Variants in DENND5A observed in about 807,000 individuals in gnomAD.
DENND5A encodes DENN domain-containing protein 5A.
Under a neutral mutation model 140.3 loss-of-function variants are expected in DENND5A, and 64 were observed. That is an observed-to-expected ratio of 0.46 (90% confidence interval 0.37 to 0.56). The LOEUF is 0.56. DENND5A is among the 20% of genes least tolerant of loss of function. The pLI is 0.00. For synonymous variants in DENND5A, 605 were observed against 607.7 expected, an observed-to-expected ratio of 1.00 and a Z score of 0.07; for missense variants, 1,292 against 1,593.8, an observed-to-expected ratio of 0.81 and a Z score of 3.22.
intron 1 of DENND5A, among the ~76,000 whole-genome samples, chr11:9,227,090 C>T (rs900181035): frequency 2.0e-5 from 3 of 151,904 alleles, no homozygotes; most frequent in African/African-American, 7.3e-5. Flanking sequence ...ATCGCTTGAA[C>T]CCGGGAGGCA....
chr11:9,147,145 T>A lies in DENND5A; in HGVS notation c.2742A>T (p.Leu914Phe), dbSNP rs1020330374. 8.1e-6 allele frequency: 13 copies of A among 1,613,930 alleles called. No homozygotes were observed. Among genetic ancestry groups the A allele is most frequent in the Non-Finnish European group, 1.0e-5 (12 of 1,179,950 alleles). ...AGCGCAGGAAGGCATAGCGCTTATA[T>A]AACTTTCTGTTGGAGAGGAGGTAAT... ...LLSDHELTKK[L>F]YKRYAFLRCD... The change falls in exon 16 of 23, where the codon TTA becomes TTT. Residue 914 changes from leucine to phenylalanine, a missense_variant. Physicochemically the swap from Leu to Phe is conservative, Grantham distance 22. This residue lies in a region of DENND5A where 498 missense variants were observed against 689.7 expected (regional missense o/e 0.72). Transcript: ENST00000328194.
chr11:9,200,397 C>G (rs7109911), intron 4 of DENND5A, among the ~76,000 whole-genome samples: 94,212 of 152,090 alleles, frequency 0.62, 29,799 homozygotes, highest in African/African-American at 0.72. Flanking sequence ...AGAGGAGGCT[C>G]TAACTTCGTA....
chr11:9,138,945 AAAAAG>A lies in DENND5A; in HGVS notation c.*721_*725del, dbSNP rs1294180578. Reference sequence around the variant, plus strand: ...TGTGACAAGCTTTTCCTTTCCTTAAAAAAAGAAAATACTTAAAAACACACAATGGC... The same window carrying A: ...TGTGACAAGCTTTTCCTTTCCTTAAAAAAATACTTAAAAACACACAATGGC... On this transcript the variant is annotated 3_prime_UTR_variant, in exon 23 of 23. Transcript: ENST00000328194. 2.0e-5 allele frequency: 3 copies of A among 152,418 alleles called. No homozygotes were observed. Among genetic ancestry groups the A allele is most frequent in the Admixed American group, 2.0e-4 (3 of 15,280 alleles). The allele number at this position is 152,418 out of a possible 1,614,324, so 9.4% of individuals were successfully genotyped here. A position where few individuals can be genotyped will look rare whatever the true frequency, so the allele number is the denominator to read the frequency against.
intron 1 of DENND5A, among the ~76,000 whole-genome samples, chr11:9,215,059 C>A (rs1313417869): frequency 6.6e-6 from 1 of 152,144 alleles, no homozygotes; most frequent in Non-Finnish European, 1.5e-5. Flanking sequence ...TTCCAAGGCA[C>A]TAACCCAGGA....
chr11:9,234,251 C>G (rs868551430), intron 1 of DENND5A, among the ~76,000 whole-genome samples: 1 of 151,044 alleles, frequency 6.6e-6, no homozygotes, highest in Admixed American at 6.6e-5. Context: ...CTGTAGCAAA[C>G]TCACCAGCTT....
chr11:9,250,816 TG>T (rs1329411784), intron 1 of DENND5A, among the ~76,000 whole-genome samples: 1 of 152,194 alleles, frequency 6.6e-6, no homozygotes, highest in Non-Finnish European at 1.5e-5. Flanking sequence ...ATACATTGTT[TG>T]GCCAACTGGA....
chr11:9,218,456 G>A (rs1850180550), intron 1 of DENND5A, among the ~76,000 whole-genome samples: 1 of 152,126 alleles, frequency 6.6e-6, no homozygotes, highest in African/African-American at 2.4e-5. Flanking sequence ...CTCATGCTTA[G>A]GCGGGATGCA....
At chr11:9,255,995 C>T (rs567522552) in intron 1 of DENND5A, among the ~76,000 whole-genome samples, 52 of 149,046 alleles carry the variant, frequency 3.5e-4, no homozygotes, top group South Asian at 6.3e-4. Flanking sequence ...CATTGCACCC[C>T]AGCGTGAGCA....
At chr11:9,210,758 C>T (rs1021349086) in intron 1 of DENND5A, among the ~76,000 whole-genome samples, 3 of 152,188 alleles carry the variant, frequency 2.0e-5, no homozygotes, top group Non-Finnish European at 4.4e-5. Flanking sequence ...CTCTCAAATT[C>T]CTGGGCTTAC....
chr11:9,245,342 G>A (rs1307188453), intron 1 of DENND5A: 6 of 150,538 alleles, frequency 4.0e-5, no homozygotes, highest in Middle Eastern at 3.2e-3. Flanking sequence ...TGTAATCCCA[G>A]CACTTTGGGA....
intron 12 of DENND5A, among the ~76,000 whole-genome samples, chr11:9,155,975 G>A (rs994015372): frequency 6.6e-6 from 1 of 152,156 alleles, no homozygotes; most frequent in Non-Finnish European, 1.5e-5. Flanking sequence ...AATAATGGGC[G>A]GTTGCTTAGG....
chr11:9,233,927 C>T (rs992334435), intron 1 of DENND5A, among the ~76,000 whole-genome samples: 10 of 152,242 alleles, frequency 6.6e-5, no homozygotes, highest in Non-Finnish European at 1.3e-4. Context: ...CCTGTAATCC[C>T]AGCACTTTGG....
At chr11:9,209,209 G>A (rs916233098) in intron 1 of DENND5A, among the ~76,000 whole-genome samples, 15 of 152,152 alleles carry the variant, frequency 9.9e-5, no homozygotes, top group African/African-American at 2.4e-4. Context: ...AAGGAAAGAC[G>A]CCTTCCTAAA....
chr11:9,174,102 C>CGAAAAAAAAAA (rs1848467055), intron 8 of DENND5A, among the ~76,000 whole-genome samples: 1 of 42,150 alleles, frequency 2.4e-5, no homozygotes, highest in Non-Finnish European at 4.1e-5. Flanking sequence ...GACTCCGTCT[C>CGAAAAAAAAAA]AAAAAAAAAA....
chr11:9,227,544 G>A (rs1352912900), intron 1 of DENND5A, among the ~76,000 whole-genome samples: 1 of 152,190 alleles, frequency 6.6e-6, no homozygotes, highest in African/African-American at 2.4e-5. Context: ...AGTATATTCT[G>A]TGTTACATAC....
rs771909659 is a variant in DENND5A, at chr11:9,178,278, T to C, written c.1760A>G (p.Asn587Ser). The change falls in exon 8 of 23, where the codon AAC becomes AGC. Residue 587 changes from asparagine to serine, a missense_variant. Physicochemically the swap from Asn to Ser is conservative, Grantham distance 46. This residue lies in a region of DENND5A where 199 missense variants were observed against 189.1 expected (regional missense o/e 1.05). Transcript: ENST00000328194. ...ETQMFASFID[N>S]KIMCHDDDDK... ...ATCATCATCATGACACATTATTTTG[T>C]TGTCAATGAAAGATGCAAACATCTG... 2 of 1,613,972 alleles carry C rather than the reference T, an allele frequency of 1.2e-6. No homozygotes were observed. Among genetic ancestry groups the C allele is most frequent in the South Asian group, 1.1e-5 (1 of 91,080 alleles).
At chr11:9,199,300 C>G (rs1403095081) in intron 4 of DENND5A, among the ~76,000 whole-genome samples, 1 of 152,010 alleles carries the variant, frequency 6.6e-6, no homozygotes, top group Non-Finnish European at 1.5e-5. Context: ...AGTTCAAGAT[C>G]AGCCTGGGCA....
chr11:9,187,125 G>A (rs1027261710), intron 5 of DENND5A, among the ~76,000 whole-genome samples: 1 of 151,974 alleles, frequency 6.6e-6, no homozygotes, highest in Non-Finnish European at 1.5e-5. Flanking sequence ...AAAGGAGGGA[G>A]TGGTAAAAAA....
intron 4 of DENND5A, among the ~76,000 whole-genome samples, chr11:9,198,420 G>A (rs1220866916): frequency 6.6e-6 from 1 of 151,868 alleles, no homozygotes; most frequent in African/African-American, 2.4e-5. Context: ...AGACCATCCT[G>A]GCCAACATGG....
Sources: gnomAD v4.1 joint callset for allele counts (sites outside exome capture counted in the v4.1 genomes callset) on GRCh38, gnomAD v4.1.1 for gene constraint, gnomAD v4.1.1 regional missense constraint, MANE v1.5 for transcripts, NCBI Gene and HGNC (gene_info 2026-07-23, HGNC 2026-07-21) for gene names.